Variants in PRR19 observed in about 807,000 individuals in gnomAD.
The protein encoded by PRR19 is proline rich 19.
PRR19 carries 9 observed loss-of-function variants against 19.2 expected under a neutral mutation model. The ratio of observed to expected loss-of-function variants is 0.47; its 90% CI spans 0.28 to 0.82. The LOEUF is 0.82. Ranked by LOEUF, PRR19 falls within the 40% of genes least tolerant of loss-of-function variation. PRR19 has a pLI of 0.11. For synonymous variants in PRR19, 190 were observed against 191.0 expected (o/e 0.99, Z 0.04); for missense variants, 457 against 466.0 (o/e 0.98, Z 0.18).
rs767085409 is a variant in PRR19, at chr19:42,310,382, C to A, written c.713C>A (p.Thr238Asn). Residue 238 changes from threonine to asparagine, a missense_variant, in exon 3 of 3, where the codon ACC becomes AAC. Coordinates refer to ENST00000341747, the MANE Select transcript of PRR19 (RefSeq NM_199285.3). Reference sequence around the variant, plus strand: ...AAGCAACAAGGGACAAAGGAGTTCACCTTCCCCATGCCCTACACCTCCAGC... The same window carrying A: ...AAGCAACAAGGGACAAAGGAGTTCAACTTCCCCATGCCCTACACCTCCAGC... The part of the protein sequence containing the change: ...QRKQQGTKEF[T>N]FPMPYTSSMP... 11 of 1,614,046 alleles carry A rather than the reference C, an allele frequency of 6.8e-6. 1 individual carries two copies. The African/African-American group carries it at 1.2e-4, about 18-fold the overall frequency.
rs1253432301 is a variant in PRR19, at chr19:42,310,519, G to A, written c.850G>A (p.Asp284Asn). 1.2e-6 allele frequency: 2 copies of A among 1,614,198 alleles called. No homozygotes were observed. Among genetic ancestry groups the A allele is most frequent in the Admixed American group, 1.7e-5 (1 of 60,020 alleles). Residue 284 changes from aspartate (D) to asparagine (N), a missense_variant, in exon 3 of 3, where the codon GAC becomes AAC. By Grantham distance (23) the Asp-to-Asn change is conservative. Transcript: ENST00000341747. ...AGCCTGGGGTCCCCCAACAGCGTTTGACTTGTTAAAAAGCATCTGGCTGGT... is the reference window on the plus strand; with the variant it reads ...AGCCTGGGGTCCCCCAACAGCGTTTAACTTGTTAAAAAGCATCTGGCTGGT... ...GTAWGPPTAF[D>N]LLKSIWLVAT...
In PRR19 at chr19:42,310,758, G is replaced by A. The variant is rs1052554058; in HGVS notation, c.*18G>A. On this transcript the variant is annotated 3_prime_UTR_variant, in exon 3 of 3. Coordinates refer to ENST00000341747, the MANE Select transcript of PRR19 (RefSeq NM_199285.3). Reference sequence around the variant, plus strand: ...TGTACTGAGGAGAGGCTGAGGCTAGGGCTGGGGACAGATATCTTGTACTCC... The same window carrying A: ...TGTACTGAGGAGAGGCTGAGGCTAGAGCTGGGGACAGATATCTTGTACTCC... The A allele has an allele frequency of 2.7e-6, 4 of 1,479,386 alleles. No homozygotes were observed. Among genetic ancestry groups the A allele is most frequent in the Non-Finnish European group, 3.6e-6 (4 of 1,099,276 alleles). 91.6% of individuals were successfully genotyped at this position (1,479,386 alleles called of 1,614,324 possible). A position where few individuals can be genotyped will look rare whatever the true frequency, so the allele number is the denominator to read the frequency against.
chr19:42,302,164 AC>A lies in PRR19; in HGVS notation c.-344del. On this transcript the variant is annotated 5_prime_UTR_variant, in exon 1 of 3. Coordinates refer to ENST00000341747, the MANE Select transcript of PRR19 (RefSeq NM_199285.3). ...CAATCAGGTAGTGAGAGTGGCACGA[AC>A]CAGCCGTTCTCCTGAGCCACCCCCC... 2 of 1,506,720 alleles carry A rather than the reference AC, an allele frequency of 1.3e-6. No homozygotes were observed. Among genetic ancestry groups the A allele is most frequent in the Non-Finnish European group, 1.8e-6 (2 of 1,108,786 alleles). 93.3% of individuals were successfully genotyped at this position (1,506,720 alleles called of 1,614,324 possible). A position where few individuals can be genotyped will look rare whatever the true frequency, so the allele number is the denominator to read the frequency against.
intron 1 of PRR19, among the ~76,000 whole-genome samples, chr19:42,308,390 C>CTTTT (rs774768445): frequency 1.8e-4 from 22 of 119,316 alleles, no homozygotes; most frequent in Non-Finnish European, 3.3e-4. Context: ...CCGAATCCAG[C>CTTTT]TTTTTTTTTT....
At chr19:42,305,301 T>TA (rs1017880090) in intron 1 of PRR19, among the ~76,000 whole-genome samples, 1 of 151,766 alleles carries the variant, frequency 6.6e-6, no homozygotes, top group Non-Finnish European at 1.5e-5. Flanking sequence ...TTTTTTTTGA[T>TA]AGAGTCTCGC....
chr19:42,310,328 A>G lies in PRR19; in HGVS notation c.659A>G (p.Asp220Gly). Residue 220 changes from aspartate to glycine, a missense_variant, in exon 3 of 3, where the codon GAT becomes GGT. Coordinates refer to ENST00000341747, the MANE Select transcript of PRR19 (RefSeq NM_199285.3). ...ACACCCTTCTGGATTAATAGCCCTGATCAAGTCCCAGAGCAGGAGAGGCAA... is the reference window on the plus strand; with the variant it reads ...ACACCCTTCTGGATTAATAGCCCTGGTCAAGTCCCAGAGCAGGAGAGGCAA... Reference protein sequence around the residue: ...KMTPFWINSPDQVPEQERQRK... With the variant: ...KMTPFWINSPGQVPEQERQRK... The G allele has an allele frequency of 6.2e-7, 1 of 1,614,112 alleles. No individual in the cohort carries two copies. The highest frequency in any genetic ancestry group is 1.6e-4 in the Middle Eastern group (1 of 6,062).
intron 1 of PRR19, among the ~76,000 whole-genome samples, chr19:42,306,400 C>T (rs921654078): frequency 6.6e-6 from 1 of 152,086 alleles, no homozygotes; most frequent in Non-Finnish European, 1.5e-5. Context: ...GTCTTGATCT[C>T]CTGACCTCGT....
intron 1 of PRR19, among the ~76,000 whole-genome samples, chr19:42,303,796 G>A (rs2038675822): frequency 6.6e-6 from 1 of 152,136 alleles, no homozygotes. Context: ...GGGTGTCAAA[G>A]TTGTGTTTGA....
chr19:42,310,176 C>T lies in PRR19; in HGVS notation c.592C>T (p.Pro198Ser), dbSNP rs750974052. ...CCTGGTGCTTCGGGGCTGCCAGCCA[C>T]CCTTGCCAGGTGAGCGTCCCTCCTG... ...LALVLRGCQP[P>S]LPGAKPGVSE... is the part of the protein sequence containing the mutation. The change falls in exon 2 of 3, where the codon CCC becomes TCC. Residue 198 changes from proline (P) to serine (S), a missense_variant. Physicochemically the swap from Pro to Ser is moderately conservative, Grantham distance 74. Transcript: ENST00000341747. 2 of 1,613,932 alleles carry T rather than the reference C, an allele frequency of 1.2e-6. No homozygotes were observed. The highest frequency in any genetic ancestry group is 1.3e-5 in the African/African-American group (1 of 74,940).
At chr19:42,304,312 TAAAC>T (rs760890167) in intron 1 of PRR19, among the ~76,000 whole-genome samples, 84 of 150,372 alleles carry the variant, frequency 5.6e-4, no homozygotes, top group Middle Eastern at 3.5e-3. Context: ...ATTACAAAAA[TAAAC>T]AAACAAATAA....
In PRR19 at chr19:42,302,583, G is replaced by C. The variant is rs2038654938; in HGVS notation, c.-7+80G>C. On this transcript the variant is annotated intron_variant, in intron 1 of 2. Transcript: ENST00000341747. ...CCCGGCGCTTCCCGCTCGGGCCGCT[G>C]ACTCCCAGGCCGCGCACCCGGCACG... The C allele has an allele frequency of 6.9e-6, 3 of 437,944 alleles. No individual in the cohort carries two copies. The South Asian group carries it at 9.0e-5, about 13-fold the overall frequency. 27.1% of individuals were successfully genotyped at this position (437,944 alleles called of 1,614,324 possible).
chr19:42,309,454 C>T, intron 1 of PRR19, 125 bp from the exon 2 acceptor site: 2 of 697,688 alleles, frequency 2.9e-6, no homozygotes, highest in Non-Finnish European at 4.9e-6. Context: ...AGTGATCGGC[C>T]TGCCTTGGCC....
In PRR19 at chr19:42,309,994, G is replaced by A. The variant is rs200698601; in HGVS notation, c.410G>A (p.Ser137Asn). 4.3e-6 allele frequency: 7 copies of A among 1,614,044 alleles called. No individual in the cohort carries two copies. The Admixed American group carries it at 5.0e-5, about 12-fold the overall frequency. The change falls in exon 2 of 3, where the codon AGT becomes AAT. Residue 137 changes from serine (S) to asparagine (N), a missense_variant. Physicochemically the swap from Ser to Asn is conservative, Grantham distance 46 (BLOSUM62 1). Coordinates refer to ENST00000341747, the MANE Select transcript of PRR19 (RefSeq NM_199285.3). ...VPGGSGPGPP[S>N]SPELSGVGQL... ...GGAGGTTCGGGCCCAGGCCCACCCA[G>A]TTCCCCAGAGTTGTCTGGCGTGGGG...
At chr19:42,304,408 C>G (rs553237364) in intron 1 of PRR19, among the ~76,000 whole-genome samples, 53 of 146,540 alleles carry the variant, frequency 3.6e-4, no homozygotes, top group Non-Finnish European at 5.5e-4. Flanking sequence ...CGCTTGAACC[C>G]AGAAGTTTGA....
intron 1 of PRR19, among the ~76,000 whole-genome samples, chr19:42,307,277 T>C (rs1247270967): frequency 6.6e-6 from 1 of 152,122 alleles, no homozygotes; most frequent in East Asian, 1.9e-4. Flanking sequence ...CTTGCTGCTC[T>C]CCCTCTCCTG....
intron 1 of PRR19, 165 bp from the exon 2 acceptor site, chr19:42,309,414 G>T: frequency 1.8e-6 from 1 of 554,682 alleles, no homozygotes; most frequent in Non-Finnish European, 3.2e-6. Flanking sequence ...TTGCCATGTT[G>T]GCTAGGCTGG....
intron 1 of PRR19, among the ~76,000 whole-genome samples, chr19:42,307,733 C>T (rs2038727893): frequency 6.8e-6 from 1 of 147,822 alleles, no homozygotes; most frequent in Non-Finnish European, 1.5e-5. Flanking sequence ...CTGCGCCTGG[C>T]CCCCACCCTC....
Position 42,310,310 on chromosome 19 carries a change from T to C in PRR19, c.641T>C (p.Phe214Ser), listed in dbSNP as rs748980499. The change falls in exon 3 of 3, where the codon TTC (phenylalanine) becomes TCC (serine). Residue 214 changes from phenylalanine (F) to serine (S), a missense_variant. Phe to Ser is a radical substitution (Grantham distance 155, BLOSUM62 -2). Coordinates refer to ENST00000341747, the MANE Select transcript of PRR19 (RefSeq NM_199285.3). ...GTCTCTGAGAGAAAGATGACACCCT[T>C]CTGGATTAATAGCCCTGATCAAGTC... ...PGVSERKMTP[F>S]WINSPDQVPE... 6.2e-7 allele frequency: 1 copy of C among 1,614,058 alleles called. No individual in the cohort carries two copies. Among genetic ancestry groups the C allele is most frequent in the East Asian group, 2.2e-5 (1 of 44,872 alleles).
At position 42,309,827 on chromosome 19, in the gene PRR19, G is replaced by A. The variant is rs1358069176; in HGVS notation, c.243G>A (p.Val81=). 6.2e-7 allele frequency: 1 copy of A among 1,613,942 alleles called. No individual in the cohort carries two copies. Among genetic ancestry groups the A allele is most frequent in the African/African-American group, 1.3e-5 (1 of 74,942 alleles). ...REHRGLFNHE[V]KSLDVARLLS... ...ACCGGGGTCTCTTCAACCACGAGGTGAAATCCCTAGATGTTGCAAGGCTGC... is the reference window on the plus strand; with the variant it reads ...ACCGGGGTCTCTTCAACCACGAGGTAAAATCCCTAGATGTTGCAAGGCTGC... Residue 81 remains valine, a synonymous_variant, in exon 2 of 3, where the codon GTG becomes GTA. Transcript: ENST00000341747.
Sources: allele counts gnomAD v4.1 joint callset (sites outside exome capture counted in the v4.1 genomes callset), GRCh38; gene constraint gnomAD v4.1.1; transcripts MANE v1.5; gene names NCBI Gene and HGNC (gene_info 2026-07-23, HGNC 2026-07-21).